The following P2RX7 variants were observed in gnomAD, a reference collection of about 807,000 sequenced individuals.
P2RX7 encodes the protein purinergic receptor P2X 7, also known as P2X purinoceptor 7.
P2RX7 carries 62 observed loss-of-function variants against 71.6 expected under a neutral mutation model. The ratio of observed to expected loss-of-function variants is 0.87; its 90% CI spans 0.71 to 1.07. The LOEUF is 1.07. P2RX7 is among the 50% of genes least tolerant of loss of function. The pLI, the probability that P2RX7 is intolerant of heterozygous loss-of-function variation, is 0.00. For synonymous variants in P2RX7, 299 were observed against 283.3 expected (o/e 1.06, Z -0.56); for missense variants, 686 against 748.5 (o/e 0.92, Z 0.97).
chr12:121,138,930 C>T (rs1874264151), intron 1 of P2RX7, among the ~76,000 whole-genome samples: 2 of 152,138 alleles, frequency 1.3e-5, no homozygotes, highest in African/African-American at 4.8e-5. Context: ...TATGGTGGCA[C>T]CACTTTGGAG....
chr12:121,152,203 A>T (rs1474418608), intron 1 of P2RX7, among the ~76,000 whole-genome samples: 1 of 152,000 alleles, frequency 6.6e-6, no homozygotes, highest in East Asian at 1.9e-4. Flanking sequence ...CTGGTCCTGA[A>T]CTCCTAATCT....
At chr12:121,182,195 A>G (rs1417355757) in intron 12 of P2RX7, among the ~76,000 whole-genome samples, 3 of 152,188 alleles carry the variant, frequency 2.0e-5, no homozygotes, top group Non-Finnish European at 2.9e-5. Flanking sequence ...AGTAAACTCA[A>G]TTTGAATGTG....
At chr12:121,144,489 C>A (rs1344600743) in intron 1 of P2RX7, among the ~76,000 whole-genome samples, 1 of 152,226 alleles carries the variant, frequency 6.6e-6, no homozygotes, top group East Asian at 1.9e-4. Context: ...TGAGCCACTG[C>A]ACCCAGCCCT....
chr12:121,163,313 A>G (rs1334804753), intron 5 of P2RX7, among the ~76,000 whole-genome samples: 2 of 149,178 alleles, frequency 1.3e-5, no homozygotes, highest in African/African-American at 5.0e-5. Context: ...GGTAAGCCCC[A>G]TGCATGCCTG....
rs781674250 is a variant in P2RX7 at position 121,184,745 on chromosome 12, C to A, written c.1731C>A (p.Ile577=). ...TGCCCAGCTGCTGCCGCTGGAGGAT[C>A]CGGAAAGAGTTTCCGAAGAGTGAAG... ...AILPSCCRWR[I]RKEFPKSEGQ... is the part of the protein sequence containing the mutation. The change falls in exon 13 of 13, where the codon ATC becomes ATA. Residue 577 remains isoleucine (I), a synonymous_variant. Coordinates refer to ENST00000328963, the MANE Select transcript of P2RX7 (RefSeq NM_002562.6). The A allele has an allele frequency of 1.3e-6, 2 of 1,555,884 alleles. No individual in the cohort carries two copies. The highest frequency in any genetic ancestry group is 1.7e-4 in the Middle Eastern group (1 of 5,992).
intron 9 of P2RX7, 80 bp from the exon 10 acceptor site, chr12:121,177,067 T>C (rs1431750873): frequency 8.6e-6 from 11 of 1,271,824 alleles, no homozygotes; most frequent in Admixed American, 7.0e-5. Context: ...CGCTCCCTGA[T>C]AGAACCAACA....
intron 3 of P2RX7, among the ~76,000 whole-genome samples, chr12:121,157,837 GA>G (rs1878898029): frequency 1.3e-5 from 2 of 152,200 alleles, no homozygotes; most frequent in South Asian, 4.1e-4. Flanking sequence ...TAGCTGTTCG[GA>G]TTATTGAAAC....
At chr12:121,147,854 C>A (rs1876542181) in intron 1 of P2RX7, among the ~76,000 whole-genome samples, 4 of 152,092 alleles carry the variant, frequency 2.6e-5, no homozygotes. Flanking sequence ...CTCAATTAAT[C>A]TGCCTGCCTC....
At chr12:121,165,943 G>T in intron 6 of P2RX7, 115 bp from the exon 7 acceptor site, 1 of 1,127,520 alleles carries the variant, frequency 8.9e-7, no homozygotes, top group Non-Finnish European at 1.3e-6. Flanking sequence ...AGGAGGCAGT[G>T]ATCATTTGGG....
Position 121,185,791 on chromosome 12 carries a change from C to T in P2RX7, c.*989C>T, listed in dbSNP as rs1351733873. 6.6e-6 allele frequency: 1 copy of T among 152,154 alleles called. No homozygotes were observed. Among genetic ancestry groups the T allele is most frequent in the Non-Finnish European group, 1.5e-5 (1 of 68,052 alleles). 9.4% of individuals were successfully genotyped at this position (152,154 alleles called of 1,614,324 possible). Reference sequence around the variant, plus strand: ...CCTATCCTGGCCAGGTGTGGTGGCTCACACCTGTAATCCCAGCACTTTGGG... The same window carrying T: ...CCTATCCTGGCCAGGTGTGGTGGCTTACACCTGTAATCCCAGCACTTTGGG... On this transcript the variant is annotated 3_prime_UTR_variant, in exon 13 of 13. Coordinates refer to ENST00000328963, the MANE Select transcript of P2RX7 (RefSeq NM_002562.6).
At chr12:121,162,218 T>C (rs1879868446) in intron 4 of P2RX7, 1 of 1,365,726 alleles carries the variant, frequency 7.3e-7, no homozygotes, top group Non-Finnish European at 9.5e-7. Flanking sequence ...GTGTTCTCTC[T>C]GATCTTTATT....
chr12:121,136,212 G>A (rs1053072036), intron 1 of P2RX7, among the ~76,000 whole-genome samples: 2 of 150,468 alleles, frequency 1.3e-5, no homozygotes, highest in African/African-American at 4.9e-5. Context: ...ATGGTAAAGA[G>A]CATAATTAGT....
chr12:121,166,205 C>T lies in P2RX7; in HGVS notation c.744+18C>T. The T allele has an allele frequency of 6.2e-7, 1 of 1,609,252 alleles. No individual in the cohort carries two copies. Among genetic ancestry groups the T allele is most frequent in the Non-Finnish European group, 8.5e-7 (1 of 1,176,928 alleles). On this transcript the variant is annotated intron_variant, in intron 7 of 12. Transcript: ENST00000328963. ...CAATTCAGGTTGGTGGTGCTTTGTA[C>T]ACTGGGATGTGGGGCTGTGTGTCTA...
In P2RX7 at chr12:121,177,422, C is replaced by T. The variant is rs1344890173; in HGVS notation, c.1164C>T (p.Cys388=). ...ACGAATACTACTACAGGAAGAAGTG[C>T]GAGTCCATTGTGGAGCCAAAGCCGG... The part of the protein sequence containing the change: ...VVNEYYYRKK[C]ESIVEPKPTL... Residue 388 remains cysteine, a synonymous_variant, in exon 11 of 13, where the codon TGC becomes TGT. Transcript: ENST00000328963. 3 of 1,613,404 alleles carry T rather than the reference C, an allele frequency of 1.9e-6. No individual in the cohort carries two copies. The highest frequency in any genetic ancestry group is 4.5e-5 in the East Asian group (2 of 44,856).
chr12:121,137,992 C>G lies in P2RX7; in HGVS notation c.125+4897C>G, dbSNP rs568734725. ...GCTTCTTCTATTCTCACAACCAATT[C>G]AGATCTGGATTCAAAGGCAGGGATG... On this transcript the variant is annotated intron_variant, in intron 1 of 12. Coordinates refer to ENST00000328963, the MANE Select transcript of P2RX7 (RefSeq NM_002562.6). Among the ~76,000 whole-genome samples the G allele has an allele frequency of 5.9e-5, 9 of 152,322 alleles. No homozygotes were observed. In the South Asian group the frequency reaches 1.2e-3, roughly 21 times the overall value.
At chr12:121,155,409 A>G (rs1462700778) in intron 2 of P2RX7, 1 of 1,288,930 alleles carries the variant, frequency 7.8e-7, no homozygotes, top group Non-Finnish European at 1.0e-6. Context: ...TGTAAATGAC[A>G]AAAAGAAGAA....
chr12:121,185,985 T>G lies in P2RX7; in HGVS notation c.*1183T>G, dbSNP rs1884846366. 1 of 140,226 alleles carries G rather than the reference T, an allele frequency of 7.1e-6. No individual in the cohort carries two copies. Among genetic ancestry groups the G allele is most frequent in the Non-Finnish European group, 1.5e-5 (1 of 65,546 alleles). 8.7% of individuals were successfully genotyped at this position (140,226 alleles called of 1,614,324 possible). ...AGGAGAAACACTTGAACCTGGGAGGTGGAGGTTGCATTGAGCTGAGATCGT... is the reference window on the plus strand; with the variant it reads ...AGGAGAAACACTTGAACCTGGGAGGGGGAGGTTGCATTGAGCTGAGATCGT... On this transcript the variant is annotated 3_prime_UTR_variant, in exon 13 of 13. Transcript: ENST00000328963.
At position 121,184,288 on chromosome 12, in the gene P2RX7, G is replaced by C. The variant is rs371787632; in HGVS notation, c.1291-17G>C. On this transcript the variant is annotated splice_polypyrimidine_tract_variant and intron_variant, in intron 12 of 12. Coordinates refer to ENST00000328963, the MANE Select transcript of P2RX7 (RefSeq NM_002562.6). ...GGGCTTGTCATGGCTAATAGGTTTG[G>C]AAACTTGCTTTTTCAGAGACCTGCG... 6.4e-7 allele frequency: 1 copy of C among 1,573,906 alleles called. No individual in the cohort carries two copies. The highest frequency in any genetic ancestry group is 1.9e-5 in the Admixed American group (1 of 52,886).
intron 11 of P2RX7, among the ~76,000 whole-genome samples, chr12:121,177,787 C>T (rs1302999416): frequency 1.3e-5 from 2 of 151,728 alleles, no homozygotes; most frequent in Non-Finnish European, 2.9e-5. Context: ...GGCATGATCT[C>T]GGCTCACTGC....
Sources: allele counts gnomAD v4.1 joint callset (sites outside exome capture counted in the v4.1 genomes callset), GRCh38; gene constraint gnomAD v4.1.1; transcripts MANE v1.5; gene names NCBI Gene and HGNC (gene_info 2026-07-23, HGNC 2026-07-21).